Variants in PHEX observed in about 807,000 individuals in gnomAD.
The protein encoded by PHEX is phosphate-regulating neutral endopeptidase PHEX.
PHEX carries 16 observed loss-of-function variants against 68.0 expected under a neutral mutation model. The observed-to-expected ratio is 0.24, with a 90% confidence interval of 0.16 to 0.36. PHEX has a LOEUF of 0.36. Among genes scored for constraint, PHEX ranks in the 10% least tolerant of loss-of-function variants. The pLI is 1.00. For missense variants in PHEX, 480 were observed against 575.5 expected, an observed-to-expected ratio of 0.83 and a Z score of 1.70; for synonymous variants, 208 against 205.1, an observed-to-expected ratio of 1.01 and a Z score of -0.12.
intron 3 of PHEX, among the ~76,000 whole-genome samples, chrX:22,065,710 C>T (rs1928569312): frequency 8.9e-6 from 1 of 112,040 alleles, no homozygotes; most frequent in African/African-American, 3.2e-5. Flanking sequence ...AGACGTGAGC[C>T]ACCGCGCCCG....
intron 20 of PHEX, among the ~76,000 whole-genome samples, chrX:22,240,501 T>C (rs1490659824): frequency 9.0e-6 from 1 of 111,011 alleles, no homozygotes; most frequent in Non-Finnish European, 1.9e-5. Flanking sequence ...CCATCTCACT[T>C]GCAGAGACAC....
intron 12 of PHEX, among the ~76,000 whole-genome samples, chrX:22,136,537 TTC>T (rs1444938443): frequency 4.5e-5 from 5 of 111,930 alleles, no homozygotes; most frequent in Non-Finnish European, 9.4e-5. Flanking sequence ...TGGAAAAATG[TTC>T]TGATTTGTGA....
intron 15 of PHEX, among the ~76,000 whole-genome samples, chrX:22,198,420 T>A (rs1330821869): frequency 9.1e-6 from 1 of 109,516 alleles, no homozygotes; most frequent in Non-Finnish European, 1.9e-5. Flanking sequence ...CAGAAGGGTG[T>A]GCAGTGCATT....
rs138155966 is a variant in PHEX, at chrX:22,055,355, A to G, written c.349+8144A>G. Among the ~76,000 whole-genome samples the G allele has an allele frequency of 7.7e-4, 85 of 110,681 alleles. 1 individual carries two copies. Among genetic ancestry groups the G allele is most frequent in the African/African-American group, 2.6e-3 (80 of 30,590 alleles). ...AGATAATCACATGTACCACATAAATATGTAAACTATAATGTATCCATAATC... is the reference window on the plus strand; with the variant it reads ...AGATAATCACATGTACCACATAAATGTGTAAACTATAATGTATCCATAATC... On this transcript the variant is annotated intron_variant, in intron 3 of 21. Coordinates refer to ENST00000379374, the MANE Select transcript of PHEX (RefSeq NM_000444.6).
chrX:22,171,127 A>G (rs931179788), intron 13 of PHEX: 2 of 111,974 alleles, frequency 1.8e-5, no homozygotes, highest in Non-Finnish European at 3.8e-5. Context: ...AGACTGGATA[A>G]TTTATAGAGG....
chrX:22,103,352 G>C (rs12387290), intron 9 of PHEX, among the ~76,000 whole-genome samples: 1 of 110,157 alleles, frequency 9.1e-6, no homozygotes, highest in Admixed American at 9.8e-5. Context: ...GTGGTGTTTG[G>C]TTGCATGGAA....
chrX:22,117,722 A>G (rs765537861), intron 11 of PHEX, among the ~76,000 whole-genome samples: 2 of 111,431 alleles, frequency 1.8e-5, no homozygotes, highest in South Asian at 3.8e-4. Context: ...ATTCTAAAAT[A>G]AAGTTAATTT....
At chrX:22,155,518 G>A (rs1932931478) in intron 12 of PHEX, among the ~76,000 whole-genome samples, 1 of 111,752 alleles carries the variant, frequency 8.9e-6, no homozygotes, top group African/African-American at 3.3e-5. Context: ...ATTTATTGCA[G>A]GTGTGTTTCT....
intron 13 of PHEX, chrX:22,171,671 C>T (rs1163472790): frequency 9.0e-6 from 1 of 110,888 alleles, no homozygotes; most frequent in East Asian, 2.9e-4. Context: ...ATAAAACCCA[C>T]CCTAAAAATA....
chrX:22,244,711 G>A (rs771466824), intron 20 of PHEX, among the ~76,000 whole-genome samples: 5 of 112,132 alleles, frequency 4.5e-5, no homozygotes, highest in South Asian at 3.7e-4. Flanking sequence ...TGCACTGGCC[G>A]TTAGTGTAGC....
intron 12 of PHEX, among the ~76,000 whole-genome samples, chrX:22,146,094 C>T (rs1223766676): frequency 8.9e-6 from 1 of 112,284 alleles, no homozygotes; most frequent in Non-Finnish European, 1.9e-5. Flanking sequence ...TTTTTGAAAG[C>T]ATCTTTGCCT....
At chrX:22,128,698 C>A (rs1037131210) in intron 11 of PHEX, among the ~76,000 whole-genome samples, 1 of 111,190 alleles carries the variant, frequency 9.0e-6, no homozygotes, top group Non-Finnish European at 1.9e-5. Context: ...TAAATATTTT[C>A]TTTGGACATA....
rs565388434 is a variant in PHEX, at chrX:22,202,358, A to G, written c.1646-10546A>G. Among the ~76,000 whole-genome samples the G allele has an allele frequency of 3.6e-5, 4 of 112,013 alleles. No homozygotes were observed. In the East Asian group the frequency reaches 1.1e-3, roughly 31 times the overall value. ...AATAAGTTTTGTGGCTTTCTGTCTA[A>G]ATCTGAGACCATTTCTTTAGAGTAA... On this transcript the variant is annotated intron_variant, in intron 15 of 21. Coordinates refer to ENST00000379374, the MANE Select transcript of PHEX (RefSeq NM_000444.6).
rs1569099098 is a variant in PHEX, at chrX:22,248,704, ACCT to A, written c.*755_*757del. On this transcript the variant is annotated 3_prime_UTR_variant, in exon 22 of 22. Coordinates refer to ENST00000379374, the MANE Select transcript of PHEX (RefSeq NM_000444.6). ...ATCTTTAGGTCCCAGAAGCAGCAAA[ACCT>A]CCTAGTTACATAACAGCAGGGAAAC... 2 of 111,278 alleles carry A rather than the reference ACCT, an allele frequency of 1.8e-5. No individual in the cohort carries two copies. Among genetic ancestry groups the A allele is most frequent in the South Asian group, 3.8e-4 (1 of 2,634 alleles). 9.2% of individuals were successfully genotyped at this position (111,278 alleles called of 1,213,427 possible). A position where few individuals can be genotyped will look rare whatever the true frequency, so the allele number is the denominator to read the frequency against.
At chrX:22,168,427 AAG>A (rs770455284) in intron 13 of PHEX, 38 bp downstream of exon 13, 11 of 908,683 alleles carry the variant, frequency 1.2e-5, no homozygotes, top group Non-Finnish European at 1.8e-5. Context: ...TTTTTCTGGC[AAG>A]TTTTACTGGC....
chrX:22,193,036 ACTTCTTACTGTATAAATATT>A (rs1386481263), intron 15 of PHEX, among the ~76,000 whole-genome samples: 1 of 111,314 alleles, frequency 9.0e-6, no homozygotes, highest in East Asian at 2.8e-4. Context: ...TTTGAATGTC[ACTTCTTACTGTATAAATATT>A]CATTATCACG....
Position 22,095,148 on chromosome X carries a change from T to C in PHEX, c.849+1049T>C, listed in dbSNP as rs73635602. Among the ~76,000 whole-genome samples the C allele has an allele frequency of 0.072, 8,016 of 111,113 alleles. 439 individuals carry two copies. Among genetic ancestry groups the C allele is most frequent in the African/African-American group, 0.19 (5,739 of 30,441 alleles). On this transcript the variant is annotated intron_variant, in intron 7 of 21. Transcript: ENST00000379374. ...AAGGAGGAATTGGTCTCTCTCTCTT[T>C]GCCGTGGTGATGTTCGTGTATAGCT...
At position 22,219,010 on chromosome X, in the gene PHEX, C is replaced by A. The variant is rs750846826; in HGVS notation, c.1701-26C>A. The stretch of plus-strand genomic sequence containing the variant: ...CTCTGAGATTCATGCTTGTAATTGT[C>A]TCCAAATTATGTATTAATGCCATAG... On this transcript the variant is annotated intron_variant, in intron 16 of 21. Transcript: ENST00000379374. The A allele has an allele frequency of 3.8e-6, 4 of 1,058,023 alleles. No individual in the cohort carries two copies. In the East Asian group the frequency reaches 9.0e-5, roughly 24 times the overall value. The allele number at this position is 1,058,023 out of a possible 1,213,427, so 87.2% of individuals were successfully genotyped here. A position where few individuals can be genotyped will look rare whatever the true frequency, so the allele number is the denominator to read the frequency against.
intron 12 of PHEX, among the ~76,000 whole-genome samples, chrX:22,160,992 G>A (rs1027699218): frequency 3.7e-5 from 4 of 109,167 alleles, no homozygotes; most frequent in African/African-American, 6.7e-5. Flanking sequence ...AAAATTAGCC[G>A]GGAATGGTGG....
Sources: gnomAD v4.1 joint callset for allele counts (sites outside exome capture counted in the v4.1 genomes callset) on GRCh38, gnomAD v4.1.1 for gene constraint, MANE v1.5 for transcripts, NCBI Gene and HGNC (gene_info 2026-07-23, HGNC 2026-07-21) for gene names.